ABI3BP: variants seen among roughly 807,000 people sequenced by gnomAD.
ABI3BP encodes the protein target of Nesh-SH3.
In ABI3BP, 216 loss-of-function variants were observed where a neutral mutation model predicts 268.6. The ratio of observed to expected loss-of-function variants is 0.80; its 90% CI spans 0.72 to 0.90. The LOEUF (loss-of-function observed/expected upper bound fraction) is 0.90. Among genes scored for constraint, ABI3BP ranks in the 40% least tolerant of loss-of-function variants. The pLI is 0.00. For synonymous variants in ABI3BP, 730 were observed against 730.0 expected (o/e 1.00, Z 0.00); for missense variants, 2,090 against 2,182.4 (o/e 0.96, Z 0.84).
chr3:100,861,743 T>C (rs2099001098), intron 14 of ABI3BP, among the ~76,000 whole-genome samples: 1 of 149,762 alleles, frequency 6.7e-6, no homozygotes, highest in Non-Finnish European at 1.5e-5. Flanking sequence ...AGGAAACCAA[T>C]ACCTTCCAAA....
intron 3 of ABI3BP, 148 bp downstream of exon 3, chr3:100,902,470 C>A: frequency 1.6e-6 from 1 of 641,854 alleles, no homozygotes; most frequent in Non-Finnish European, 2.6e-6. Flanking sequence ...GTTACTTCTC[C>A]AAAAGGGTAA....
intron 4 of ABI3BP, among the ~76,000 whole-genome samples, chr3:100,894,956 A>AAAAAAAAAAACAAAAACAAAC (rs2046807460): frequency 7.6e-6 from 1 of 131,440 alleles, no homozygotes; most frequent in Non-Finnish European, 1.7e-5. Context: ...AAAAAAAAAA[A>AAAAAAAAAAACAAAAACAAAC]AAAAAAAAAA....
At chr3:100,956,747 C>T (rs2076983576) in intron 1 of ABI3BP, among the ~76,000 whole-genome samples, 2 of 152,020 alleles carry the variant, frequency 1.3e-5, no homozygotes, top group African/African-American at 4.8e-5. Context: ...GAGGAGGAGG[C>T]TTCACTTTAG....
intron 57 of ABI3BP, among the ~76,000 whole-genome samples, chr3:100,786,458 T>C (rs2097048428): frequency 6.6e-6 from 1 of 152,174 alleles, no homozygotes; most frequent in Non-Finnish European, 1.5e-5. Flanking sequence ...TAATAATGGT[T>C]TGTTTCCCTG....
Position 100,750,617 on chromosome 3 carries a change from G to C in ABI3BP, c.5246-7C>G, listed in dbSNP as rs2095255558. On this transcript the variant is annotated splice_region_variant and splice_polypyrimidine_tract_variant and intron_variant, in intron 67 of 67. Transcript: ENST00000471714. ...CGAACTGCTCTGAAATAACCTGAGA[G>C]AGAAAATAGTTTCATTTTAATAGCT... is the stretch of plus-strand genomic sequence containing the variant. 1 of 1,599,648 alleles carries C rather than the reference G, an allele frequency of 6.3e-7. No homozygotes were observed. Among genetic ancestry groups the C allele is most frequent in the Non-Finnish European group, 8.6e-7 (1 of 1,168,766 alleles).
Position 100,787,793 on chromosome 3 carries a change from C to G in ABI3BP, c.4097G>C (p.Arg1366Thr). 1 of 1,520,864 alleles carries G rather than the reference C, an allele frequency of 6.6e-7. No homozygotes were observed. The highest frequency in any genetic ancestry group is 8.8e-7 in the Non-Finnish European group (1 of 1,140,920). 94.2% of individuals were successfully genotyped at this position (1,520,864 alleles called of 1,614,324 possible). A position where few individuals can be genotyped will look rare whatever the true frequency, so the allele number is the denominator to read the frequency against. ...GGGCCTAGTAGGTCTTGTAGTTGTC[C>G]TATTCAGAACTAAAATAAAGTGGGA... ...DKPHIRPVLN[R>T]TTTRPTRPKP... The change falls in exon 57 of 68, where the codon AGG (arginine) becomes ACG (threonine). Residue 1366 changes from arginine (R) to threonine (T), a missense_variant. Transcript: ENST00000471714.
chr3:100,879,247 T>C (rs2099200350), intron 6 of ABI3BP, among the ~76,000 whole-genome samples: 2 of 152,224 alleles, frequency 1.3e-5, no homozygotes, highest in African/African-American at 2.4e-5. Flanking sequence ...TTTTAAGTGC[T>C]TGGCATGGCA....
chr3:100,769,389 G>A (rs773528358), intron 62 of ABI3BP, among the ~76,000 whole-genome samples: 12 of 152,128 alleles, frequency 7.9e-5, no homozygotes, highest in Non-Finnish European at 2.9e-5. Flanking sequence ...GATGGATAAA[G>A]TATACTCTAT....
rs2098286867 is a variant in ABI3BP, at chr3:100,823,530, T to C, written c.2747-16A>G. On this transcript the variant is annotated splice_polypyrimidine_tract_variant and intron_variant, in intron 36 of 67. Transcript: ENST00000471714. Reference sequence around the variant, plus strand: ...GTAGCAGGAACTGACCAAAACAACATGTAAATCAAAGAGATTTTTAAACAT... The same window carrying C: ...GTAGCAGGAACTGACCAAAACAACACGTAAATCAAAGAGATTTTTAAACAT... The C allele has an allele frequency of 3.9e-6, 6 of 1,523,116 alleles. No individual in the cohort carries two copies. The highest frequency in any genetic ancestry group is 2.5e-5 in the South Asian group (2 of 81,434). The allele number at this position is 1,523,116 out of a possible 1,614,324, so 94.4% of individuals were successfully genotyped here. A position where few individuals can be genotyped will look rare whatever the true frequency, so the allele number is the denominator to read the frequency against.
At chr3:100,956,062 C>T (rs939310357) in intron 1 of ABI3BP, among the ~76,000 whole-genome samples, 7 of 151,838 alleles carry the variant, frequency 4.6e-5, no homozygotes, top group Non-Finnish European at 1.0e-4. Context: ...GTGGCATGTA[C>T]CTGTAATCCC....
chr3:100,967,156 C>A (rs2081643177), intron 1 of ABI3BP, among the ~76,000 whole-genome samples: 1 of 152,048 alleles, frequency 6.6e-6, no homozygotes, highest in Admixed American at 6.6e-5. Flanking sequence ...GGATTCCTAT[C>A]AATTCCAAGT....
intron 51 of ABI3BP, among the ~76,000 whole-genome samples, chr3:100,804,557 G>A (rs931799344): frequency 6.6e-6 from 1 of 152,104 alleles, no homozygotes; most frequent in African/African-American, 2.4e-5. Flanking sequence ...TTAGTTCTAG[G>A]AAAGACATTC....
chr3:100,787,994 A>G (rs2097100635), intron 56 of ABI3BP, among the ~76,000 whole-genome samples, 192 bp from the exon 57 acceptor site: 1 of 152,170 alleles, frequency 6.6e-6, no homozygotes, highest in Non-Finnish European at 1.5e-5. Flanking sequence ...AGAGACCTGA[A>G]TTTGTATTCT....
intron 12 of ABI3BP, 95 bp downstream of exon 12, chr3:100,863,907 G>A: frequency 1.1e-6 from 1 of 909,174 alleles, no homozygotes; most frequent in Non-Finnish European, 1.7e-6. Flanking sequence ...TAAGGGATTG[G>A]GTATAAATTA....
intron 6 of ABI3BP, among the ~76,000 whole-genome samples, chr3:100,882,285 C>T (rs964606277): frequency 6.6e-6 from 1 of 152,062 alleles, no homozygotes; most frequent in Non-Finnish European, 1.5e-5. Flanking sequence ...TGGGTATACA[C>T]TTCTTTGGAC....
chr3:100,986,456 A>G (rs2091786767), intron 1 of ABI3BP, among the ~76,000 whole-genome samples: 1 of 152,170 alleles, frequency 6.6e-6, no homozygotes, highest in African/African-American at 2.4e-5. Flanking sequence ...GTTATAAGAA[A>G]AAGATAACTA....
chr3:100,767,468 C>T (rs1292335198), intron 62 of ABI3BP, among the ~76,000 whole-genome samples: 3 of 151,578 alleles, frequency 2.0e-5, no homozygotes, highest in East Asian at 1.9e-4. Flanking sequence ...GCTCTCCGAA[C>T]GGACTGGAAA....
intron 61 of ABI3BP, among the ~76,000 whole-genome samples, chr3:100,772,474 A>C (rs2096574473): frequency 6.6e-6 from 1 of 152,202 alleles, no homozygotes; most frequent in South Asian, 2.1e-4. Flanking sequence ...CCAAGAGGGG[A>C]GTAAAGCTAT....
At chr3:100,859,386 T>A (rs908748118) in intron 14 of ABI3BP, among the ~76,000 whole-genome samples, 1 of 152,126 alleles carries the variant, frequency 6.6e-6, no homozygotes, top group Non-Finnish European at 1.5e-5. Context: ...CCAACCTATA[T>A]TATGTTTCTT....
Sources: gnomAD v4.1 joint callset for allele counts (sites outside exome capture counted in the v4.1 genomes callset) on GRCh38, gnomAD v4.1.1 for gene constraint, MANE v1.5 for transcripts, NCBI Gene and HGNC (gene_info 2026-07-23, HGNC 2026-07-21) for gene names.